The following ART3 variants were observed in gnomAD, a reference collection of about 807,000 sequenced individuals.
ART3 encodes the protein ecto-ADP-ribosyltransferase 3.
In ART3, 49 loss-of-function variants were observed where a neutral mutation model predicts 48.5. That is an observed-to-expected ratio of 1.01 (90% CI 0.80 to 1.28). The LOEUF (loss-of-function observed/expected upper bound fraction) is 1.28. Ranked by LOEUF, ART3 falls within the 50% of genes most tolerant of loss-of-function variation. ART3 has a pLI of 0.00. For missense variants in ART3, 438 were observed against 454.3 expected (o/e 0.96, Z 0.33); for synonymous variants, 145 against 157.2 (o/e 0.92, Z 0.58).
intron 1 of ART3, among the ~76,000 whole-genome samples, chr4:76,045,352 A>G (rs1735400611): frequency 6.6e-6 from 1 of 152,068 alleles, no homozygotes; most frequent in Admixed American, 6.6e-5. Context: ...CTCAAGGAGT[A>G]GTGCCTGGCA....
intron 1 of ART3, among the ~76,000 whole-genome samples, chr4:76,025,811 CTG>C (rs1384181976): frequency 1.3e-5 from 2 of 152,134 alleles, no homozygotes; most frequent in Admixed American, 6.6e-5. Flanking sequence ...GACACCTTGA[CTG>C]TGTTCAGATT....
At chr4:76,059,713 C>A (rs549247935) in intron 1 of ART3, among the ~76,000 whole-genome samples, 1 of 152,076 alleles carries the variant, frequency 6.6e-6, no homozygotes, top group Admixed American at 6.5e-5. Flanking sequence ...GTGACTCTGA[C>A]AATTTAGAGA....
At chr4:76,075,330 G>A (rs1479484843) in intron 1 of ART3, 1 of 152,418 alleles carries the variant, frequency 6.6e-6, no homozygotes, top group African/African-American at 2.4e-5. Context: ...TGGGGGAAGG[G>A]GGCCATCTCT....
chr4:76,040,438 A>ACACACACACACACGCACG, intron 1 of ART3, among the ~76,000 whole-genome samples: 1 of 64,530 alleles, frequency 1.5e-5, no homozygotes. Flanking sequence ...TACACTGGAT[A>ACACACACACACACGCACG]CACACACACA....
At chr4:76,076,331 A>C (rs753575585) in intron 2 of ART3, among the ~76,000 whole-genome samples, 15 of 152,022 alleles carry the variant, frequency 9.9e-5, no homozygotes, top group Non-Finnish European at 1.9e-4. Context: ...ATATAACATT[A>C]CCTGAGGCAT....
intron 1 of ART3, among the ~76,000 whole-genome samples, chr4:76,031,361 TAA>T (rs34510183): frequency 6.6e-6 from 1 of 151,884 alleles, no homozygotes; most frequent in African/African-American, 2.4e-5. Context: ...AGAGAAATGT[TAA>T]AAAAAAATTG....
chr4:76,065,497 G>A (rs1038569374), intron 1 of ART3, among the ~76,000 whole-genome samples: 1 of 150,800 alleles, frequency 6.6e-6, no homozygotes, highest in Non-Finnish European at 1.5e-5. Context: ...ATGGTATAAT[G>A]AAATGGCCTT....
chr4:76,110,254 A>G (rs1729230973), intron 11 of ART3, among the ~76,000 whole-genome samples: 1 of 151,240 alleles, frequency 6.6e-6, no homozygotes, highest in Non-Finnish European at 1.5e-5. Flanking sequence ...CCCATACAGT[A>G]CAACAACTAC....
intron 1 of ART3, chr4:76,033,954 T>A (rs2149402689): frequency 6.5e-6 from 1 of 152,754 alleles, no homozygotes; most frequent in African/African-American, 2.4e-5. Flanking sequence ...TACAAACGGA[T>A]CAAAACAAAA....
At position 76,039,348 on chromosome 4, in the gene ART3, A is replaced by T. The variant is rs181384606; in HGVS notation, c.-10+28028A>T. 1.5e-4 allele frequency among the ~76,000 whole-genome samples: 23 copies of T among 152,256 alleles called. No homozygotes were observed. In the East Asian group the frequency reaches 4.0e-3, roughly 27 times the overall value. On this transcript the variant is annotated intron_variant, in intron 1 of 9. Coordinates refer to the ART3 transcript ENST00000341029. ...CCCCTTTTTCATAGGGCTGTTATAA[A>T]CTAGGTATTAAAAGAGGTAATGCAT...
intron 1 of ART3, among the ~76,000 whole-genome samples, chr4:76,017,929 A>G (rs1033740681): frequency 6.6e-5 from 10 of 152,212 alleles, no homozygotes; most frequent in Non-Finnish European, 1.5e-4. Context: ...TGCCAGGGGA[A>G]GGGAGAGGGG....
chr4:76,055,934 G>T (rs1718639283), intron 1 of ART3, among the ~76,000 whole-genome samples: 2 of 152,168 alleles, frequency 1.3e-5, no homozygotes, highest in African/African-American at 4.8e-5. Context: ...TCTGCATTTA[G>T]CTGTGATGAA....
chr4:76,077,276 C>T (rs976087605), intron 2 of ART3, among the ~76,000 whole-genome samples: 2 of 152,150 alleles, frequency 1.3e-5, no homozygotes, highest in African/African-American at 4.8e-5. Flanking sequence ...TGGAATCATA[C>T]AATATGTGAC....
chr4:76,046,183 C>T (rs1332831284), intron 1 of ART3, among the ~76,000 whole-genome samples: 1 of 152,002 alleles, frequency 6.6e-6, no homozygotes, highest in African/African-American at 2.4e-5. Flanking sequence ...GGGGCAAGAC[C>T]ATCTGTGTAA....
chr4:76,071,337 C>T (rs553948813), upstream of ART3, among the ~76,000 whole-genome samples: 41 of 151,086 alleles, frequency 2.7e-4, no homozygotes, highest in East Asian at 7.4e-3. Flanking sequence ...CACTGCACTC[C>T]AGCCTGTGTG....
At chr4:76,052,530 G>C (rs962485307) in intron 1 of ART3, among the ~76,000 whole-genome samples, 2 of 151,942 alleles carry the variant, frequency 1.3e-5, no homozygotes, top group African/African-American at 4.8e-5. Flanking sequence ...GGTGAAATTA[G>C]GGCTTTTAGT....
chr4:76,097,407 A>G (rs1726254090), intron 3 of ART3, among the ~76,000 whole-genome samples: 1 of 151,752 alleles, frequency 6.6e-6, no homozygotes, highest in African/African-American at 2.4e-5. Flanking sequence ...GGGTCTCCCT[A>G]TGTTGCCCAG....
intron 1 of ART3, among the ~76,000 whole-genome samples, chr4:76,040,755 G>A (rs1734904625): frequency 6.6e-6 from 1 of 152,128 alleles, no homozygotes; most frequent in South Asian, 2.1e-4. Context: ...TGAAAACTGA[G>A]GGAGGTTTAT....
rs150408339 is a variant in ART3, at chr4:76,099,470, G to A, written c.847+483G>A. 195 of 178,402 alleles carry A rather than the reference G, an allele frequency of 1.1e-3. 1 individual carries two copies. The highest frequency in any genetic ancestry group is 7.7e-3 in the Middle Eastern group (3 of 392). The allele number at this position is 178,402 out of a possible 1,614,324, so 11.1% of individuals were successfully genotyped here. ...AGGGAAATATACCTTCCTCAAATAA[G>A]AGAATTGGCTTCGTGGAGATCTGAA... On this transcript the variant is annotated intron_variant, in intron 5 of 11. Transcript: ENST00000355810.
Sources: gnomAD v4.1 joint callset for allele counts (sites outside exome capture counted in the v4.1 genomes callset) on GRCh38, gnomAD v4.1.1 for gene constraint, MANE v1.5 for transcripts, NCBI Gene and HGNC (gene_info 2026-07-23, HGNC 2026-07-21) for gene names.